The following ANKS1B variants were observed in gnomAD, a reference collection of about 807,000 sequenced individuals.
ANKS1B encodes the protein ankyrin repeat and sterile alpha motif domain-containing protein 1B.
Under a neutral mutation model 148.3 loss-of-function variants are expected in ANKS1B, and 36 were observed. The observed-to-expected ratio is 0.24, with a 90% CI of 0.19 to 0.32. The LOEUF (loss-of-function observed/expected upper bound fraction) is 0.32. ANKS1B is among the 10% of genes least tolerant of loss of function. The pLI, the probability that ANKS1B is intolerant of heterozygous loss-of-function variation, is 1.00. For synonymous variants in ANKS1B, 542 were observed against 560.8 expected, an observed-to-expected ratio of 0.97 and a Z score of 0.47; for missense variants, 1,157 against 1,542.6, an observed-to-expected ratio of 0.75 and a Z score of 4.19.
chr12:99,200,470 G>A (rs1179782772), intron 14 of ANKS1B, among the ~76,000 whole-genome samples: 10 of 152,130 alleles, frequency 6.6e-5, no homozygotes, highest in African/African-American at 2.4e-4. Flanking sequence ...GTCTTTCTAA[G>A]CAGGAATGAC....
intron 4 of ANKS1B, among the ~76,000 whole-genome samples, chr12:99,794,957 C>T (rs562223568): frequency 6.6e-6 from 1 of 151,750 alleles, no homozygotes; most frequent in African/African-American, 2.4e-5. Context: ...AATATATATA[C>T]CTACTATGTA....
intron 9 of ANKS1B, among the ~76,000 whole-genome samples, chr12:99,597,503 G>A (rs2097768145): frequency 6.6e-6 from 1 of 151,948 alleles, no homozygotes; most frequent in African/African-American, 2.4e-5. Flanking sequence ...TCTCAACTAA[G>A]TACTTCATTT....
intron 8 of ANKS1B, among the ~76,000 whole-genome samples, chr12:99,676,071 A>G (rs138990485): frequency 6.6e-5 from 10 of 152,178 alleles, no homozygotes; most frequent in Non-Finnish European, 1.3e-4. Context: ...GTTTTTTGTG[A>G]TAGTGAGTGA....
intron 1 of ANKS1B, among the ~76,000 whole-genome samples, chr12:99,955,492 CAAAAAAAAAAAAAAAAAAAA>C (rs61654867): frequency 3.4e-4 from 13 of 38,092 alleles, no homozygotes; most frequent in African/African-American, 5.6e-4. Flanking sequence ...AACTCCGTCT[CAAAAAAAAAAAAAAAAAAAA>C]AAAAAAAAAA....
chr12:99,913,935 A>G (rs2094090790), intron 1 of ANKS1B, among the ~76,000 whole-genome samples: 3 of 152,170 alleles, frequency 2.0e-5, no homozygotes, highest in Admixed American at 1.3e-4. Flanking sequence ...TAACCTTTAT[A>G]ACAAACCCTG....
At chr12:98,996,469 C>T (rs1568260983) in intron 17 of ANKS1B, among the ~76,000 whole-genome samples, 1 of 152,140 alleles carries the variant, frequency 6.6e-6, no homozygotes, top group Non-Finnish European at 1.5e-5. Flanking sequence ...TCTTCCCCTC[C>T]ACAGCTCTTC....
intron 10 of ANKS1B, among the ~76,000 whole-genome samples, chr12:99,501,285 C>T (rs998708195): frequency 6.6e-6 from 1 of 151,970 alleles, no homozygotes; most frequent in East Asian, 1.9e-4. Flanking sequence ...GTTTTCTTTC[C>T]CTATAGGCTT....
chr12:99,195,657 C>T (rs1010141507), intron 14 of ANKS1B, among the ~76,000 whole-genome samples: 1 of 151,874 alleles, frequency 6.6e-6, no homozygotes, highest in Non-Finnish European at 1.5e-5. Context: ...AAACAGGATG[C>T]CACATCTAAG....
intron 12 of ANKS1B, among the ~76,000 whole-genome samples, chr12:99,340,132 A>T (rs1334367291): frequency 6.6e-6 from 1 of 151,912 alleles, no homozygotes; most frequent in Non-Finnish European, 1.5e-5. Context: ...ACCTCATTTT[A>T]CAGATAGAAA....
At chr12:99,370,361 G>C (rs577481350) in intron 12 of ANKS1B, among the ~76,000 whole-genome samples, 2 of 152,260 alleles carry the variant, frequency 1.3e-5, no homozygotes, top group African/African-American at 4.8e-5. Flanking sequence ...TATGGAACAT[G>C]ATGATGGGTA....
chr12:98,986,361 T>C (rs895667624), intron 17 of ANKS1B, among the ~76,000 whole-genome samples: 2 of 152,154 alleles, frequency 1.3e-5, no homozygotes, highest in African/African-American at 4.8e-5. Context: ...CCACAGCTTG[T>C]GGATGCTCTG....
chr12:99,963,834 T>C (rs958644953), intron 1 of ANKS1B, among the ~76,000 whole-genome samples: 2 of 152,324 alleles, frequency 1.3e-5, no homozygotes, highest in South Asian at 4.1e-4. Flanking sequence ...CATATTTTTA[T>C]GACATTTTAA....
chr12:99,476,638 T>C (rs1033873272), intron 10 of ANKS1B, among the ~76,000 whole-genome samples: 3 of 152,126 alleles, frequency 2.0e-5, no homozygotes, highest in African/African-American at 7.2e-5. Context: ...AAGTACTAAT[T>C]CAAATAAAAA....
At chr12:99,307,400 G>A (rs1468682911) in intron 12 of ANKS1B, among the ~76,000 whole-genome samples, 2 of 152,016 alleles carry the variant, frequency 1.3e-5, no homozygotes, top group Non-Finnish European at 2.9e-5. Context: ...ATAATCTGGA[G>A]TCAAACAAAG....
chr12:99,435,761 T>C (rs1375748134), intron 11 of ANKS1B, among the ~76,000 whole-genome samples: 3 of 152,016 alleles, frequency 2.0e-5, no homozygotes, highest in Non-Finnish European at 4.4e-5. Context: ...ATTTTGCACA[T>C]AATTCCAGGA....
chr12:99,467,601 C>T (rs1390915437), intron 10 of ANKS1B, among the ~76,000 whole-genome samples: 1 of 152,134 alleles, frequency 6.6e-6, no homozygotes, highest in Non-Finnish European at 1.5e-5. Flanking sequence ...TCTCAGGAAA[C>T]AAAATCAATG....
chr12:99,860,601 T>G (rs1565879310), intron 1 of ANKS1B, among the ~76,000 whole-genome samples: 1 of 152,180 alleles, frequency 6.6e-6, no homozygotes, highest in Non-Finnish European at 1.5e-5. Flanking sequence ...AGACTAGAGA[T>G]TAGTACTGCA....
At chr12:99,183,518 C>T (rs900330383) in intron 14 of ANKS1B, among the ~76,000 whole-genome samples, 2 of 152,102 alleles carry the variant, frequency 1.3e-5, no homozygotes, top group African/African-American at 4.8e-5. Context: ...TGGTGGTCGC[C>T]TGTAATCCCA....
intron 1 of ANKS1B, among the ~76,000 whole-genome samples, chr12:99,911,251 T>A (rs972413876): frequency 3.3e-5 from 5 of 152,146 alleles, no homozygotes; most frequent in African/African-American, 1.2e-4. Context: ...TTACATTACT[T>A]TTGCAGACAG....
Sources: allele counts gnomAD v4.1 joint callset (sites outside exome capture counted in the v4.1 genomes callset), GRCh38; gene constraint gnomAD v4.1.1; transcripts MANE v1.5; gene names NCBI Gene and HGNC (gene_info 2026-07-23, HGNC 2026-07-21).